UGT1A5: variants seen among roughly 807,000 people sequenced by gnomAD.
The protein encoded by UGT1A5 is UDP-glucuronosyltransferase 1A5.
A neutral mutation model predicts 40.3 loss-of-function variants in UGT1A5; 29 were observed. The ratio of observed to expected loss-of-function variants is 0.72; its 90% CI spans 0.54 to 0.98. The LOEUF is 0.98. UGT1A5 is among the 50% of genes least tolerant of loss of function. The pLI is 0.00. For synonymous variants in UGT1A5, 257 were observed against 262.5 expected (o/e 0.98, Z 0.20); for missense variants, 678 against 677.9 (o/e 1.00, Z 0.00).
intron 1 of UGT1A5, among the ~76,000 whole-genome samples, chr2:233,751,322 C>G (rs1431699530): frequency 6.6e-6 from 1 of 151,916 alleles, no homozygotes; most frequent in Non-Finnish European, 1.5e-5. Context: ...TTCTGTACCC[C>G]CATTGTGTCT....
intron 1 of UGT1A5, among the ~76,000 whole-genome samples, chr2:233,757,244 T>G (rs1696450978): frequency 1.0e-5 from 1 of 99,552 alleles, no homozygotes; most frequent in African/African-American, 4.0e-5. Context: ...GGTGGTGAGG[T>G]GGGGTTATTC....
chr2:233,765,014 C>G (rs1352821222), intron 1 of UGT1A5, among the ~76,000 whole-genome samples: 2 of 151,988 alleles, frequency 1.3e-5, no homozygotes, highest in Non-Finnish European at 1.5e-5. Context: ...CCAAATCAGG[C>G]TTGGCAGGAG....
rs192958236 is a variant in UGT1A5 at position 233,736,101 on chromosome 2, G to A, written c.867+22243G>A. On this transcript the variant is annotated intron_variant, in intron 1 of 4. Transcript: ENST00000373414. ...GTTCTCCTGGATAATATCCTGAAGA[G>A]TGTTTTCCAACTTGTTTCCATTCTC... Among the ~76,000 whole-genome samples, 338 of 152,320 alleles carry A rather than the reference G, an allele frequency of 2.2e-3. 1 individual carries two copies. The highest frequency in any genetic ancestry group is 4.2e-3 in the Non-Finnish European group (288 of 68,040).
Position 233,756,181 on chromosome 2 carries a change from G to A in UGT1A5, c.868-10853G>A, listed in dbSNP as rs998894236. 3.9e-5 allele frequency: 6 copies of A among 152,158 alleles called. No homozygotes were observed. In the South Asian group the frequency reaches 6.2e-4, roughly 16 times the overall value. The allele number at this position is 152,158 out of a possible 1,614,324, so 9.4% of individuals were successfully genotyped here. ...TTTCCTGGCTCATACTTTGAGAATC[G>A]CTAGTCTAGCAGAGTAGTCCCTGGT... is the stretch of plus-strand genomic sequence containing the variant. On this transcript the variant is annotated intron_variant, in intron 1 of 4. Coordinates refer to ENST00000373414, the MANE Select transcript of UGT1A5 (RefSeq NM_019078.2).
intron 1 of UGT1A5, among the ~76,000 whole-genome samples, chr2:233,765,077 C>T (rs1698745230): frequency 6.6e-6 from 1 of 152,130 alleles, no homozygotes; most frequent in South Asian, 2.1e-4. Context: ...TCCTGTGTCT[C>T]ACATCTAGGG....
At chr2:233,759,599 A>ACCCCCCCCCCCCCC (rs1553620419) in intron 1 of UGT1A5, among the ~76,000 whole-genome samples, 9 of 108,650 alleles carry the variant, frequency 8.3e-5, no homozygotes, top group African/African-American at 2.6e-4. Flanking sequence ...CCCACCCCCG[A>ACCCCCCCCCCCCCC]CCCGCCCCAC....
chr2:233,743,981 G>T, intron 1 of UGT1A5: 1 of 1,297,886 alleles, frequency 7.7e-7, no homozygotes, highest in Non-Finnish European at 1.0e-6. Flanking sequence ...CAGCACCCAG[G>T]CGCAGGCCCG....
rs781679584 is a variant in UGT1A5 at position 233,729,361 on chromosome 2, A to T, written c.867+15503A>T. ...AGAAGAGAACTTTTTCACCCTGACA[A>T]CCTATGCCATTTCGTGGACCCAGGA... On this transcript the variant is annotated intron_variant, in intron 1 of 4. Transcript: ENST00000373414. 4 of 1,613,978 alleles carry T rather than the reference A, an allele frequency of 2.5e-6. No individual in the cohort carries two copies. The Admixed American group carries it at 5.0e-5, about 20-fold the overall frequency.
Position 233,768,355 on chromosome 2 carries a change from A to AG in UGT1A5, c.1226dup (p.Ala410SerfsTer13), listed in dbSNP as rs758192306. 7.4e-6 allele frequency: 12 copies of AG among 1,614,082 alleles called. No individual in the cohort carries two copies. Among genetic ancestry groups the AG allele is most frequent in the Non-Finnish European group, 1.0e-5 (12 of 1,180,036 alleles). On this transcript the variant is annotated frameshift_variant, in exon 4 of 5. Transcript: ENST00000373414. LOFTEE classifies it high-confidence loss of function. The stretch of plus-strand genomic sequence containing the variant: ...GACAATGCAAAGCGCATGGAGACTA[A>AG]GGGAGCTGGAGTGACCCTGAATGTT...
Position 233,713,139 on chromosome 2 carries a change from GACCTCCATGCGAGAGGCC to G in UGT1A5, c.152_169del (p.Leu51_His56del). 1.2e-6 allele frequency: 2 copies of G among 1,614,230 alleles called. No individual in the cohort carries two copies. The highest frequency in any genetic ancestry group is 1.7e-6 in the Non-Finnish European group (2 of 1,180,052). On this transcript the variant is annotated inframe_deletion, in exon 1 of 5. Coordinates refer to ENST00000373414, the MANE Select transcript of UGT1A5 (RefSeq NM_019078.2). Reference sequence around the variant, plus strand: ...GCTCAGCATGCGGGAGGCCTTGCGGGACCTCCATGCGAGAGGCCACCAGGTGGTGGTCCTCACCCTGGA... The same window carrying G: ...GCTCAGCATGCGGGAGGCCTTGCGGGACCAGGTGGTGGTCCTCACCCTGGA...
At chr2:233,724,365 G>A (rs1424941561) in intron 1 of UGT1A5, among the ~76,000 whole-genome samples, 1 of 148,100 alleles carries the variant, frequency 6.8e-6, no homozygotes, top group African/African-American at 2.5e-5. Flanking sequence ...CTCCCGGACG[G>A]GGTGGCTGCC....
At chr2:233,740,222 C>T (rs1446035659) in intron 1 of UGT1A5, among the ~76,000 whole-genome samples, 1 of 151,764 alleles carries the variant, frequency 6.6e-6, no homozygotes, top group Non-Finnish European at 1.5e-5. Context: ...TCAGCTGCGT[C>T]TTTATAGCAG....
intron 1 of UGT1A5, among the ~76,000 whole-genome samples, chr2:233,733,323 T>C (rs921178929): frequency 2.6e-5 from 4 of 152,220 alleles, no homozygotes; most frequent in African/African-American, 9.6e-5. Flanking sequence ...CTGATTGCCC[T>C]GGCCAGAACT....
At chr2:233,717,640 C>T (rs1343576181) in intron 1 of UGT1A5, among the ~76,000 whole-genome samples, 19 of 152,200 alleles carry the variant, frequency 1.2e-4, no homozygotes, top group South Asian at 2.1e-4. Flanking sequence ...CATCCTGGGG[C>T]GACCAGGACA....
chr2:233,726,185 T>C (rs2077513858), intron 1 of UGT1A5, among the ~76,000 whole-genome samples: 1 of 152,162 alleles, frequency 6.6e-6, no homozygotes, highest in South Asian at 2.1e-4. Flanking sequence ...AAAATTTCTT[T>C]GGCATATGGA....
chr2:233,749,814 T>C (rs951105241), intron 1 of UGT1A5, among the ~76,000 whole-genome samples: 1 of 151,928 alleles, frequency 6.6e-6, no homozygotes, highest in African/African-American at 2.4e-5. Flanking sequence ...AAGCTCTTCC[T>C]CTTTCTCTCT....
chr2:233,716,515 C>G (rs915755081), intron 1 of UGT1A5, among the ~76,000 whole-genome samples: 1 of 152,192 alleles, frequency 6.6e-6, no homozygotes, highest in Admixed American at 6.5e-5. Flanking sequence ...GAGCTCTCAG[C>G]TTACCATTCA....
At chr2:233,760,765 G>A (rs764212365) in intron 1 of UGT1A5, 4 of 1,614,012 alleles carry the variant, frequency 2.5e-6, no homozygotes, top group Non-Finnish European at 3.4e-6. Flanking sequence ...CAGCCCCATC[G>A]TGGCCCAGTA....
chr2:233,741,876 G>A (rs1319262823), intron 1 of UGT1A5: 1 of 151,830 alleles, frequency 6.6e-6, no homozygotes, highest in African/African-American at 2.4e-5. Context: ...TTCCTCAGAG[G>A]TGACCCTAGA....
Sources: allele counts gnomAD v4.1 joint callset (sites outside exome capture counted in the v4.1 genomes callset), GRCh38; gene constraint gnomAD v4.1.1; transcripts MANE v1.5; gene names NCBI Gene and HGNC (gene_info 2026-07-23, HGNC 2026-07-21).